The following LRRC8B variants were observed in gnomAD, a reference collection of about 807,000 sequenced individuals.
LRRC8B encodes volume-regulated anion channel subunit LRRC8B.
A neutral mutation model predicts 58.8 loss-of-function variants in LRRC8B; 23 were observed. The ratio of observed to expected loss-of-function variants is 0.39; its 90% confidence interval spans 0.28 to 0.55. LRRC8B has a LOEUF of 0.55. Among genes scored for constraint, LRRC8B ranks in the 20% least tolerant of loss-of-function variants. The pLI, the probability that LRRC8B is intolerant of heterozygous loss-of-function variation, is 0.62. For synonymous variants in LRRC8B, 359 were observed against 374.1 expected, an observed-to-expected ratio of 0.96 and a Z score of 0.47; for missense variants, 694 against 936.0, an observed-to-expected ratio of 0.74 and a Z score of 3.37.
At chr1:89,566,533 A>G (rs1378407039) in intron 1 of LRRC8B, among the ~76,000 whole-genome samples, 1 of 152,226 alleles carries the variant, frequency 6.6e-6, no homozygotes, top group Non-Finnish European at 1.5e-5. Context: ...CCCAGTGACT[A>G]TGCCTTTAAC....
intron 1 of LRRC8B, among the ~76,000 whole-genome samples, chr1:89,532,493 G>T (rs1024903447): frequency 6.6e-6 from 1 of 152,132 alleles, no homozygotes; most frequent in African/African-American, 2.4e-5. Context: ...TTGAATCATG[G>T]GGGCAGTTTC....
At chr1:89,557,298 C>T (rs556555782) in intron 1 of LRRC8B, among the ~76,000 whole-genome samples, 3 of 152,200 alleles carry the variant, frequency 2.0e-5, no homozygotes, top group African/African-American at 7.2e-5. Context: ...TTTTGTTTCC[C>T]TGGAACCACA....
intron 1 of LRRC8B, among the ~76,000 whole-genome samples, chr1:89,565,854 T>G (rs1413290949): frequency 6.6e-6 from 1 of 152,174 alleles, no homozygotes; most frequent in Non-Finnish European, 1.5e-5. Context: ...AAATATTTGT[T>G]CGCCGTGTTT....
At chr1:89,574,107 C>T (rs567910680) in intron 3 of LRRC8B, among the ~76,000 whole-genome samples, 14 of 152,314 alleles carry the variant, frequency 9.2e-5, no homozygotes, top group East Asian at 3.9e-4. Context: ...GGCCCCTGGT[C>T]GACAGCCGAA....
At chr1:89,546,225 G>C (rs1460208144) in intron 1 of LRRC8B, among the ~76,000 whole-genome samples, 3 of 152,188 alleles carry the variant, frequency 2.0e-5, no homozygotes, top group Non-Finnish European at 4.4e-5. Flanking sequence ...AATGTATGCT[G>C]TGGAGCCTTG....
chr1:89,570,528 T>G (rs1423524839), intron 3 of LRRC8B, among the ~76,000 whole-genome samples: 1 of 152,230 alleles, frequency 6.6e-6, no homozygotes, highest in Non-Finnish European at 1.5e-5. Flanking sequence ...TTTTGAGTAA[T>G]GTCTGTTCAT....
At chr1:89,553,875 A>G (rs913458027) in intron 1 of LRRC8B, among the ~76,000 whole-genome samples, 3 of 152,254 alleles carry the variant, frequency 2.0e-5, no homozygotes, top group Middle Eastern at 3.4e-3. Context: ...GATGCTTTCA[A>G]ATTAATTTTC....
chr1:89,546,585 C>G (rs1379481323), intron 1 of LRRC8B, among the ~76,000 whole-genome samples: 1 of 152,196 alleles, frequency 6.6e-6, no homozygotes. Context: ...TACTCCCTTT[C>G]AAACTCTTTG....
chr1:89,528,218 C>T (rs1477758835), intron 1 of LRRC8B, among the ~76,000 whole-genome samples: 1 of 152,160 alleles, frequency 6.6e-6, no homozygotes, highest in Non-Finnish European at 1.5e-5. Context: ...CAGCATATTT[C>T]ACAGACGCTG....
rs761099972 is a variant in LRRC8B at position 89,592,786 on chromosome 1, G to A, written c.2155G>A (p.Asp719Asn). 1 of 1,612,994 alleles carries A rather than the reference G, an allele frequency of 6.2e-7. No homozygotes were observed. Among genetic ancestry groups the A allele is most frequent in the Non-Finnish European group, 8.5e-7 (1 of 1,179,842 alleles). The change falls in exon 6 of 6, where the codon GAT (aspartate) becomes AAT (asparagine). Residue 719 changes from aspartate (D) to asparagine (N), a missense_variant. This residue lies in a region of LRRC8B where 139 missense variants were observed against 158.2 expected (regional missense o/e 0.88). Coordinates refer to ENST00000330947, the MANE Select transcript of LRRC8B (RefSeq NM_001369817.2). ...VTNNNIEMLP[D>N]GLFQCKKLQC... Reference sequence around the variant, plus strand: ...CCCTTTCCAGATTGAGATGCTACCAGATGGGCTGTTTCAGTGCAAAAAGCT... The same window carrying A: ...CCCTTTCCAGATTGAGATGCTACCAAATGGGCTGTTTCAGTGCAAAAAGCT...
Position 89,555,323 on chromosome 1 carries a change from G to A in LRRC8B, c.-240-12924G>A, listed in dbSNP as rs775946280. Among the ~76,000 whole-genome samples the A allele has an allele frequency of 7.2e-5, 11 of 152,148 alleles. No individual in the cohort carries two copies. In the South Asian group the frequency reaches 8.3e-4, roughly 11 times the overall value. ...TCTCTGCTGATGGGGCTCAAATGGA[G>A]TCTTTAGTCTCTGCTAAAGGATTCA... On this transcript the variant is annotated intron_variant, in intron 1 of 5. Coordinates refer to ENST00000330947, the MANE Select transcript of LRRC8B (RefSeq NM_001369817.2).
Position 89,529,423 on chromosome 1 carries a change from G to A in LRRC8B, c.-241+4401G>A, listed in dbSNP as rs181287595. On this transcript the variant is annotated intron_variant, in intron 1 of 5. Transcript: ENST00000330947. ...GCATTTATTCTTAGCCTAAAAACATGGCATGTGAAATCAAATAGATCTGGA... is the reference window on the plus strand; with the variant it reads ...GCATTTATTCTTAGCCTAAAAACATAGCATGTGAAATCAAATAGATCTGGA... Among the ~76,000 whole-genome samples the A allele has an allele frequency of 6.6e-5, 10 of 152,220 alleles. No individual in the cohort carries two copies. In the East Asian group the frequency reaches 1.2e-3, roughly 18 times the overall value.
intron 1 of LRRC8B, among the ~76,000 whole-genome samples, chr1:89,549,736 C>G (rs945770739): frequency 6.6e-6 from 1 of 152,134 alleles, no homozygotes; most frequent in Non-Finnish European, 1.5e-5. Context: ...TGGAAATATT[C>G]TGGAAGGAAG....
At chr1:89,544,127 T>A (rs1242070865) in intron 1 of LRRC8B, among the ~76,000 whole-genome samples, 1 of 152,202 alleles carries the variant, frequency 6.6e-6, no homozygotes, top group African/African-American at 2.4e-5. Flanking sequence ...TGTCTGTTTA[T>A]GCAGAACAAG....
chr1:89,593,338 C>G lies in LRRC8B; in HGVS notation c.*295C>G, dbSNP rs1655114147. 3.7e-6 allele frequency: 1 copy of G among 269,396 alleles called. No homozygotes were observed. Among genetic ancestry groups the G allele is most frequent in the Non-Finnish European group, 7.1e-6 (1 of 140,680 alleles). The allele number at this position is 269,396 out of a possible 1,614,324, so 16.7% of individuals were successfully genotyped here. On this transcript the variant is annotated 3_prime_UTR_variant, in exon 6 of 6. Coordinates refer to ENST00000330947, the MANE Select transcript of LRRC8B (RefSeq NM_001369817.2). ...GTTGCAGTGAGCCGAGATTGTGCCA[C>G]TGTACACCAGCCTGGGTGACAGAGC...
chr1:89,554,083 A>G (rs359946), intron 1 of LRRC8B, among the ~76,000 whole-genome samples: 139,840 of 152,150 alleles, frequency 0.92, 64,443 homozygotes, highest in African/African-American at 0.93. Context: ...CCTGAGTTAA[A>G]TCTTGAAAAT....
At chr1:89,538,919 G>A (rs1174882235) in intron 1 of LRRC8B, among the ~76,000 whole-genome samples, 8 of 151,988 alleles carry the variant, frequency 5.3e-5, no homozygotes, top group African/African-American at 1.7e-4. Flanking sequence ...ATGGGGTTTC[G>A]CCATGTTGGC....
At chr1:89,560,302 A>G (rs1395513839) in intron 1 of LRRC8B, among the ~76,000 whole-genome samples, 1 of 152,096 alleles carries the variant, frequency 6.6e-6, no homozygotes, top group African/African-American at 2.4e-5. Context: ...TCATCCACCA[A>G]TATAGTTCTG....
Position 89,593,178 on chromosome 1 carries a change from C to T in LRRC8B, c.*135C>T. ...TTGCTTGAGGTCAGGAGTTCGAGAC[C>T]AGTCTGGCCAACCTGGTGAAACCCC... On this transcript the variant is annotated 3_prime_UTR_variant, in exon 6 of 6. Coordinates refer to ENST00000330947, the MANE Select transcript of LRRC8B (RefSeq NM_001369817.2). 2.5e-6 allele frequency: 2 copies of T among 806,680 alleles called. No homozygotes were observed. Among genetic ancestry groups the T allele is most frequent in the Non-Finnish European group, 3.9e-6 (2 of 513,978 alleles). The allele number at this position is 806,680 out of a possible 1,614,324, so 50.0% of individuals were successfully genotyped here.
Sources: gnomAD v4.1 joint callset for allele counts (sites outside exome capture counted in the v4.1 genomes callset) on GRCh38, gnomAD v4.1.1 for gene constraint, gnomAD v4.1.1 regional missense constraint, MANE v1.5 for transcripts, NCBI Gene and HGNC (gene_info 2026-07-23, HGNC 2026-07-21) for gene names.